CRB1: variants seen among roughly 807,000 people sequenced by gnomAD.
CRB1 encodes crumbs cell polarity complex component 1, also known as protein crumbs homolog 1.
In CRB1, 83 loss-of-function variants were observed where a neutral mutation model predicts 120.0. That is an observed-to-expected ratio of 0.69 (90% CI 0.58 to 0.83). The LOEUF (loss-of-function observed/expected upper bound fraction) is 0.83. Ranked by LOEUF, CRB1 falls within the 40% of genes least tolerant of loss-of-function variation. The probability of loss-of-function intolerance (pLI) is 0.00; values close to 1 mark genes in which losing one functional copy is unlikely to be tolerated. For synonymous variants in CRB1, 625 were observed against 612.5 expected (o/e 1.02, Z -0.30); for missense variants, 1,699 against 1,687.6 (o/e 1.01, Z -0.12).
the CRB1 span, among the ~76,000 whole-genome samples, chr1:197,245,663 T>C: frequency 6.6e-6 from 1 of 152,130 alleles, no homozygotes; most frequent in South Asian, 2.1e-4. Context: ...TAATTTTTTA[T>C]TGAAACATGA....
chr1:197,259,192 G>A, the CRB1 span, among the ~76,000 whole-genome samples: 1 of 152,152 alleles, frequency 6.6e-6, no homozygotes, highest in African/African-American at 2.4e-5. Context: ...ATACCCAATG[G>A]AATATAAATC....
At chr1:197,268,510 T>C in intron 1 of CRB1, 28 bp downstream of exon 1, 1 of 1,490,018 alleles carries the variant, frequency 6.7e-7, no homozygotes, top group Non-Finnish European at 9.4e-7. Context: ...TGGGCATTTT[T>C]CCTGGTTTAT....
chr1:197,325,165 T>A (rs2125297677), intron 1 of CRB1, among the ~76,000 whole-genome samples: 1 of 152,302 alleles, frequency 6.6e-6, no homozygotes, highest in Middle Eastern at 3.4e-3. Context: ...CCATTTTGGC[T>A]ATGTCCTGAT....
chr1:197,429,747 G>A, intron 8 of CRB1, 133 bp downstream of exon 8: 1 of 944,862 alleles, frequency 1.1e-6, no homozygotes, highest in Non-Finnish European at 1.6e-6. Context: ...CCCTATGCGA[G>A]TAGGCTAATA....
chr1:197,341,620 A>C (rs1659465127), intron 2 of CRB1, among the ~76,000 whole-genome samples: 1 of 152,184 alleles, frequency 6.6e-6, no homozygotes, highest in African/African-American at 2.4e-5. Context: ...TGAAAACGTC[A>C]CAGGGAAAAA....
the CRB1 span, among the ~76,000 whole-genome samples, chr1:197,262,846 C>G: frequency 6.4e-3 from 970 of 152,272 alleles, 13 homozygotes; most frequent in African/African-American, 0.023. Flanking sequence ...TATGTTCTTG[C>G]AAAGGACGCG....
chr1:197,250,442 A>G, the CRB1 span, among the ~76,000 whole-genome samples: 2 of 151,938 alleles, frequency 1.3e-5, no homozygotes, highest in African/African-American at 4.8e-5. Flanking sequence ...GTATTTTCCA[A>G]CAAACTTTAC....
intron 5 of CRB1, among the ~76,000 whole-genome samples, chr1:197,368,828 T>C (rs986342659): frequency 4.6e-5 from 7 of 152,158 alleles, no homozygotes; most frequent in African/African-American, 1.2e-4. Context: ...TTTCTGAAAC[T>C]AAAGAACAAA....
chr1:197,392,011 T>C (rs1213069736), intron 5 of CRB1, among the ~76,000 whole-genome samples: 1 of 151,870 alleles, frequency 6.6e-6, no homozygotes, highest in Non-Finnish European at 1.5e-5. Context: ...CAAGAAACTA[T>C]GAGAAATTAG....
chr1:197,290,758 AC>A (rs777129365), intron 1 of CRB1, among the ~76,000 whole-genome samples: 12 of 151,918 alleles, frequency 7.9e-5, no homozygotes, highest in Non-Finnish European at 1.6e-4. Flanking sequence ...AAGTTTATGT[AC>A]ATTTGCCCTC....
At chr1:197,257,320 T>C in the CRB1 span, among the ~76,000 whole-genome samples, 2 of 152,118 alleles carry the variant, frequency 1.3e-5, no homozygotes, top group African/African-American at 2.4e-5. Flanking sequence ...AGATCTTCTT[T>C]ACTCAGCCTA....
intron 3 of CRB1, among the ~76,000 whole-genome samples, chr1:197,347,080 A>G (rs1302263175): frequency 3.3e-5 from 5 of 152,210 alleles, no homozygotes; most frequent in Non-Finnish European, 7.3e-5. Context: ...TATAGGTACT[A>G]TATTCAATTT....
chr1:197,461,304 C>G (rs1404292126), intron 11 of CRB1, among the ~76,000 whole-genome samples: 1 of 152,048 alleles, frequency 6.6e-6, no homozygotes, highest in Non-Finnish European at 1.5e-5. Flanking sequence ...TGCCTTGAAA[C>G]AGAAAAGGAG....
At chr1:197,235,243 A>T in the CRB1 span, among the ~76,000 whole-genome samples, 1 of 151,764 alleles carries the variant, frequency 6.6e-6, no homozygotes, top group East Asian at 1.9e-4. Flanking sequence ...TGTTTTGAAG[A>T]CCTCCTTTCA....
At chr1:197,277,235 TG>T (rs1177112969) in intron 1 of CRB1, among the ~76,000 whole-genome samples, 1 of 152,054 alleles carries the variant, frequency 6.6e-6, no homozygotes, top group Non-Finnish European at 1.5e-5. Context: ...CAGGAATGGC[TG>T]ATATGTAACC....
At chr1:197,271,673 T>C (rs1262520277) in intron 1 of CRB1, among the ~76,000 whole-genome samples, 1 of 152,218 alleles carries the variant, frequency 6.6e-6, no homozygotes, top group Non-Finnish European at 1.5e-5. Context: ...GACTCTCCTG[T>C]GATCCATTAT....
At chr1:197,408,602 C>T (rs1367579808) in intron 5 of CRB1, among the ~76,000 whole-genome samples, 1 of 152,172 alleles carries the variant, frequency 6.6e-6, no homozygotes, top group Non-Finnish European at 1.5e-5. Context: ...AAAGCCAGTT[C>T]TTACCATGGC....
intron 1 of CRB1, among the ~76,000 whole-genome samples, chr1:197,309,797 T>TAAATAAATAAA: frequency 6.6e-6 from 1 of 150,670 alleles, no homozygotes; most frequent in Non-Finnish European, 1.5e-5. Flanking sequence ...AATAAATAAA[T>TAAATAAATAAA]TTACTTATGT....
At chr1:197,224,075 A>T in the CRB1 span, among the ~76,000 whole-genome samples, 45 of 152,124 alleles carry the variant, frequency 3.0e-4, no homozygotes, top group Non-Finnish European at 3.1e-4. Flanking sequence ...ACTCATGTCT[A>T]TAAAGACTGA....
Sources: allele counts gnomAD v4.1 joint callset (sites outside exome capture counted in the v4.1 genomes callset), GRCh38; gene constraint gnomAD v4.1.1; transcripts MANE v1.5; gene names NCBI Gene and HGNC (gene_info 2026-07-23, HGNC 2026-07-21).